Variants in GPM6A observed in about 807,000 individuals in gnomAD.
GPM6A encodes neuronal membrane glycoprotein M6-a.
Under a neutral mutation model 32.1 loss-of-function variants are expected in GPM6A, and 7 were observed. The ratio of observed to expected loss-of-function variants is 0.22; its 90% CI spans 0.12 to 0.41. The LOEUF (loss-of-function observed/expected upper bound fraction) is 0.41. Among genes scored for constraint, GPM6A ranks in the 10% least tolerant of loss-of-function variants. The probability of loss-of-function intolerance (pLI) is 1.00; values close to 1 mark genes in which losing one functional copy is unlikely to be tolerated. For synonymous variants in GPM6A, 130 were observed against 123.4 expected, an observed-to-expected ratio of 1.05 and a Z score of -0.35; for missense variants, 235 against 347.2, an observed-to-expected ratio of 0.68 and a Z score of 2.57.
intron 1 of GPM6A, among the ~76,000 whole-genome samples, chr4:175,825,446 T>C (rs2111356358): frequency 6.6e-6 from 1 of 152,270 alleles, no homozygotes; most frequent in African/African-American, 2.4e-5. Context: ...CATGAACACA[T>C]ATACTGGGTC....
chr4:175,931,686 ACACAC>A (rs1739046092), intron 1 of GPM6A, among the ~76,000 whole-genome samples: 1 of 147,528 alleles, frequency 6.8e-6, no homozygotes. Flanking sequence ...ACACACACAC[ACACAC>A]ACACACACAC....
chr4:175,889,470 T>C (rs1227076993), intron 1 of GPM6A, among the ~76,000 whole-genome samples: 1 of 150,880 alleles, frequency 6.6e-6, no homozygotes, highest in Non-Finnish European at 1.5e-5. Flanking sequence ...AACTGCAGTG[T>C]TTACACCACT....
chr4:175,968,382 C>T (rs1246259691), intron 1 of GPM6A, among the ~76,000 whole-genome samples: 1 of 152,082 alleles, frequency 6.6e-6, no homozygotes, highest in Non-Finnish European at 1.5e-5. Flanking sequence ...AATTTTTAGA[C>T]AGATTACCAA....
intron 1 of GPM6A, among the ~76,000 whole-genome samples, chr4:175,803,101 C>A (rs1734536809): frequency 6.6e-6 from 1 of 151,996 alleles, no homozygotes; most frequent in African/African-American, 2.4e-5. Flanking sequence ...TCTTCTTCTT[C>A]CTCTTTATCC....
rs111914885 is a variant in GPM6A, at chr4:175,752,568, GA to G, written c.38-50802del. 1.6e-3 allele frequency among the ~76,000 whole-genome samples: 243 copies of G among 152,238 alleles called. 1 individual carries two copies. Among genetic ancestry groups the G allele is most frequent in the African/African-American group, 5.4e-3 (223 of 41,556 alleles). On this transcript the variant is annotated intron_variant, in intron 1 of 6. Coordinates refer to ENST00000393658, the MANE Select transcript of GPM6A (RefSeq NM_201591.3). Reference sequence around the variant, plus strand: ...TCCAAGAAGGAAGAATTATGCCAAAGAAAAAGCCTACAAGAAGACATATTTC... The same window carrying G: ...TCCAAGAAGGAAGAATTATGCCAAAGAAAAGCCTACAAGAAGACATATTTC...
At chr4:175,659,269 G>A (rs1280849756) in intron 3 of GPM6A, among the ~76,000 whole-genome samples, 1 of 151,864 alleles carries the variant, frequency 6.6e-6, no homozygotes, top group Admixed American at 6.6e-5. Context: ...TAGTAGAGAC[G>A]CGGTTTCACC....
At chr4:175,720,215 G>A (rs993321088) in intron 1 of GPM6A, among the ~76,000 whole-genome samples, 1 of 152,132 alleles carries the variant, frequency 6.6e-6, no homozygotes, top group Non-Finnish European at 1.5e-5. Flanking sequence ...AACAGAATAT[G>A]CCTTTTAGCT....
intron 1 of GPM6A, among the ~76,000 whole-genome samples, chr4:175,718,521 TAGG>T (rs1745955360): frequency 1.3e-5 from 2 of 151,916 alleles, no homozygotes; most frequent in African/African-American, 4.8e-5. Flanking sequence ...GAGGCTGAGG[TAGG>T]AGAATCGCTT....
intron 1 of GPM6A, among the ~76,000 whole-genome samples, chr4:175,874,875 T>C (rs1737033073): frequency 6.6e-6 from 1 of 152,132 alleles, no homozygotes; most frequent in Non-Finnish European, 1.5e-5. Flanking sequence ...AGAAGGAAAA[T>C]ATAAAAGATA....
intron 1 of GPM6A, among the ~76,000 whole-genome samples, chr4:175,804,786 CT>C (rs372390421): frequency 3.7e-4 from 56 of 152,218 alleles, no homozygotes; most frequent in Admixed American, 9.8e-4. Flanking sequence ...TGGCTCACGC[CT>C]GTAATCCCAG....
At chr4:175,839,563 AT>A (rs1442697783) in intron 1 of GPM6A, among the ~76,000 whole-genome samples, 1 of 152,182 alleles carries the variant, frequency 6.6e-6, no homozygotes, top group Admixed American at 6.5e-5. Flanking sequence ...ATGAACTTGT[AT>A]GTTGAATATA....
rs568301670 is a variant in GPM6A at position 175,663,891 on chromosome 4, A to G, written c.387+9789T>C. Among the ~76,000 whole-genome samples the G allele has an allele frequency of 3.9e-5, 6 of 152,018 alleles. 1 individual carries two copies. Among genetic ancestry groups the G allele is most frequent in the African/African-American group, 1.4e-4 (6 of 41,472 alleles). On this transcript the variant is annotated intron_variant, in intron 3 of 6. Transcript: ENST00000393658. Reference sequence around the variant, plus strand: ...GTATTCTTAGTAGAAACGGGATTTCACTGTGTTAGCCAAGATGGTCTCTAT... The same window carrying G: ...GTATTCTTAGTAGAAACGGGATTTCGCTGTGTTAGCCAAGATGGTCTCTAT...
intron 1 of GPM6A, among the ~76,000 whole-genome samples, chr4:175,851,050 C>T (rs1736237271): frequency 6.6e-6 from 1 of 152,070 alleles, no homozygotes; most frequent in South Asian, 2.1e-4. Context: ...TTGCCTGACA[C>T]TTTGTTTTCT....
chr4:175,829,201 A>T (rs1457388959), intron 1 of GPM6A, among the ~76,000 whole-genome samples: 1 of 152,244 alleles, frequency 6.6e-6, no homozygotes, highest in Non-Finnish European at 1.5e-5. Flanking sequence ...AAGTGCTGGG[A>T]GCCACCAGGC....
intron 1 of GPM6A, among the ~76,000 whole-genome samples, chr4:175,936,096 G>C (rs1001611946): frequency 6.6e-6 from 1 of 151,518 alleles, no homozygotes; most frequent in Non-Finnish European, 1.5e-5. Context: ...ATGAGGTCAG[G>C]TGATCGAGAC....
intron 1 of GPM6A, among the ~76,000 whole-genome samples, chr4:175,733,274 C>T (rs1347375884): frequency 6.6e-6 from 1 of 152,142 alleles, no homozygotes; most frequent in Non-Finnish European, 1.5e-5. Context: ...GAGGCTGAGG[C>T]AGGCGGATCA....
At chr4:175,795,923 A>G (rs1734208566) in intron 1 of GPM6A, 1 of 152,306 alleles carries the variant, frequency 6.6e-6, no homozygotes, top group South Asian at 2.1e-4. Context: ...CTGCAGCATC[A>G]CTTGAGTGAG....
chr4:175,653,792 T>A (rs1205336609), intron 3 of GPM6A, among the ~76,000 whole-genome samples: 2 of 152,284 alleles, frequency 1.3e-5, no homozygotes, highest in Non-Finnish European at 2.9e-5. Context: ...GGTGGAAATT[T>A]AGAGAATATT....
intron 1 of GPM6A, among the ~76,000 whole-genome samples, chr4:175,729,404 C>T (rs1394277890): frequency 6.6e-6 from 1 of 152,122 alleles, no homozygotes; most frequent in Admixed American, 6.6e-5. Context: ...TCAGAGTCTC[C>T]TCTATGTTCC....
Sources: allele counts gnomAD v4.1 joint callset (sites outside exome capture counted in the v4.1 genomes callset), GRCh38; gene constraint gnomAD v4.1.1; transcripts MANE v1.5; gene names NCBI Gene and HGNC (gene_info 2026-07-23, HGNC 2026-07-21).